The following PIP4K2A variants were observed in gnomAD, a reference collection of about 807,000 sequenced individuals.
PIP4K2A encodes phosphatidylinositol 5-phosphate 4-kinase type-2 alpha.
PIP4K2A carries 14 observed loss-of-function variants against 42.9 expected under a neutral mutation model. The observed-to-expected ratio is 0.33, with a 90% CI of 0.22 to 0.51. The LOEUF (loss-of-function observed/expected upper bound fraction) is 0.51. Ranked by LOEUF, PIP4K2A falls within the 20% of genes least tolerant of loss-of-function variation. The pLI is 0.97. For missense variants in PIP4K2A, 434 were observed against 519.8 expected (o/e 0.83, Z 1.61); for synonymous variants, 192 against 192.2 (o/e 1.00, Z 0.01).
chr10:22,583,015 A>G (rs1429174682), intron 4 of PIP4K2A, among the ~76,000 whole-genome samples: 1 of 152,196 alleles, frequency 6.6e-6, no homozygotes, highest in Non-Finnish European at 1.5e-5. Context: ...CTTAAAAGGA[A>G]CAAGCATTCT....
chr10:22,620,341 A>T (rs1414771757), intron 1 of PIP4K2A, among the ~76,000 whole-genome samples: 1 of 152,226 alleles, frequency 6.6e-6, no homozygotes. Flanking sequence ...TAAAAATTCA[A>T]ACAAAGACAT....
chr10:22,568,041 T>C, intron 5 of PIP4K2A, 152 bp from the exon 6 acceptor site: 2 of 724,312 alleles, frequency 2.8e-6, no homozygotes, highest in African/African-American at 1.7e-5. Context: ...CATCCCTCCC[T>C]GACCATGGCT....
intron 1 of PIP4K2A, among the ~76,000 whole-genome samples, chr10:22,680,919 C>G (rs1444254783): frequency 1.3e-5 from 2 of 152,124 alleles, no homozygotes; most frequent in African/African-American, 4.8e-5. Flanking sequence ...ATGTAGCAAG[C>G]CACAAAGATT....
chr10:22,594,506 G>A (rs1029322328), intron 3 of PIP4K2A, among the ~76,000 whole-genome samples: 1 of 152,104 alleles, frequency 6.6e-6, no homozygotes, highest in African/African-American at 2.4e-5. Context: ...AGTGATTCTC[G>A]TGCCTCTGCC....
At chr10:22,689,921 C>G (rs988484995) in intron 1 of PIP4K2A, among the ~76,000 whole-genome samples, 3 of 152,170 alleles carry the variant, frequency 2.0e-5, no homozygotes, top group Admixed American at 6.5e-5. Context: ...AGCAAGGTCC[C>G]TGTAAGGACA....
chr10:22,572,915 TCC>T (rs10616784), intron 5 of PIP4K2A, among the ~76,000 whole-genome samples: 10,044 of 152,174 alleles, frequency 0.066, 869 homozygotes, highest in African/African-American at 0.2. Context: ...TTTAAAACCC[TCC>T]CCCTCTTTAA....
rs571245618 is a variant in PIP4K2A at position 22,584,653 on chromosome 10, G to A, written c.492+6976C>T. ...TTGGGAACAGAGGGCTACAAATGAC[G>A]CCATCGGCAAGCTTCGGGGCACTCA... On this transcript the variant is annotated intron_variant, in intron 4 of 9. Transcript: ENST00000376573. 3.9e-5 allele frequency among the ~76,000 whole-genome samples: 6 copies of A among 152,252 alleles called. No individual in the cohort carries two copies. The South Asian group carries it at 1.0e-3, about 26-fold the overall frequency.
At chr10:22,581,658 CTT>C (rs972365933) in intron 4 of PIP4K2A, among the ~76,000 whole-genome samples, 2 of 150,958 alleles carry the variant, frequency 1.3e-5, no homozygotes, top group African/African-American at 4.9e-5. Flanking sequence ...ACCTCTTGCT[CTT>C]GTCACTTCCC....
intron 1 of PIP4K2A, among the ~76,000 whole-genome samples, chr10:22,613,962 T>G (rs1432134470): frequency 6.6e-6 from 1 of 152,212 alleles, no homozygotes; most frequent in Non-Finnish European, 1.5e-5. Context: ...GTGCAAGACC[T>G]TCACATGTAG....
At chr10:22,572,544 G>A (rs1415230251) in intron 5 of PIP4K2A, among the ~76,000 whole-genome samples, 1 of 151,990 alleles carries the variant, frequency 6.6e-6, no homozygotes, top group South Asian at 2.1e-4. Flanking sequence ...GGCAGAGGTT[G>A]CCATGAGCCA....
intron 1 of PIP4K2A, among the ~76,000 whole-genome samples, chr10:22,666,837 C>T (rs1839362378): frequency 1.3e-5 from 2 of 152,158 alleles, no homozygotes; most frequent in African/African-American, 4.8e-5. Flanking sequence ...TTTAATAGTC[C>T]TATACCGATA....
chr10:22,600,180 G>A (rs960973621), intron 3 of PIP4K2A, among the ~76,000 whole-genome samples: 11 of 151,586 alleles, frequency 7.3e-5, no homozygotes, highest in Admixed American at 2.0e-4. Flanking sequence ...AACTAATCAC[G>A]TAAGTCTTGT....
intron 1 of PIP4K2A, among the ~76,000 whole-genome samples, chr10:22,665,172 C>A (rs77315984): frequency 1.1e-3 from 167 of 152,208 alleles, no homozygotes; most frequent in African/African-American, 3.7e-3. Context: ...ACTTTTTTCC[C>A]TCTAACCAAC....
intron 3 of PIP4K2A, among the ~76,000 whole-genome samples, chr10:22,595,849 A>G (rs1837622320): frequency 6.6e-6 from 1 of 152,142 alleles, no homozygotes; most frequent in African/African-American, 2.4e-5. Flanking sequence ...GTGATGGAAA[A>G]TAAGCTTGGG....
chr10:22,553,435 A>T (rs1031346809), intron 6 of PIP4K2A, among the ~76,000 whole-genome samples: 1 of 152,218 alleles, frequency 6.6e-6, no homozygotes, highest in Non-Finnish European at 1.5e-5. Context: ...GAAAGGGGAA[A>T]ACACGCAGCA....
At position 22,601,130 on chromosome 10, in the gene PIP4K2A, C is replaced by CAAAAAAAAA. The variant is rs1188396077; in HGVS notation, c.339+6788_339+6796dup. Among the ~76,000 whole-genome samples, 32 of 31,924 alleles carry CAAAAAAAAA rather than the reference C, an allele frequency of 1.0e-3. 5 individuals are homozygous for CAAAAAAAAA. Among genetic ancestry groups the CAAAAAAAAA allele is most frequent in the Non-Finnish European group, 2.2e-3 (25 of 11,418 alleles). The allele number at this position is 31,924 out of a possible 152,430, so 20.9% of individuals were successfully genotyped here. ...CCTGGGCAACAGAGCGAGACTGTCT[C>CAAAAAAAAA]AAAAAAAAAAAAAAAAAAAAAAAAA... is the stretch of plus-strand genomic sequence containing the variant. On this transcript the variant is annotated intron_variant, in intron 3 of 9. Transcript: ENST00000376573.
intron 7 of PIP4K2A, among the ~76,000 whole-genome samples, chr10:22,542,417 A>C (rs773887172): frequency 5.3e-5 from 8 of 152,212 alleles, no homozygotes; most frequent in Non-Finnish European, 1.2e-4. Flanking sequence ...GCTAATGGGG[A>C]AACCCAGGCA....
chr10:22,653,126 G>A (rs1489974512), intron 1 of PIP4K2A, among the ~76,000 whole-genome samples: 3 of 152,048 alleles, frequency 2.0e-5, no homozygotes, highest in Admixed American at 6.5e-5. Context: ...GACCACCCCC[G>A]GGGGTATGAA....
chr10:22,622,447 A>T (rs1227438475), intron 1 of PIP4K2A, among the ~76,000 whole-genome samples: 1 of 152,234 alleles, frequency 6.6e-6, no homozygotes, highest in Non-Finnish European at 1.5e-5. Flanking sequence ...GGAGCACGGG[A>T]GGAGCCAGTT....
Sources: gnomAD v4.1 joint callset for allele counts (sites outside exome capture counted in the v4.1 genomes callset) on GRCh38, gnomAD v4.1.1 for gene constraint, MANE v1.5 for transcripts, NCBI Gene and HGNC (gene_info 2026-07-23, HGNC 2026-07-21) for gene names.